PRKN: variants seen among roughly 807,000 people sequenced by gnomAD.
The protein encoded by PRKN is E3 ubiquitin-protein ligase parkin.
In PRKN, 56 loss-of-function variants were observed where a neutral mutation model predicts 59.5. The observed-to-expected ratio is 0.94, with a 90% CI of 0.76 to 1.18. The LOEUF (loss-of-function observed/expected upper bound fraction) is 1.18, where lower values mean the gene tolerates loss of function less well. Among genes scored for constraint, PRKN ranks in the 50% most tolerant of loss-of-function variants. The pLI is 0.00. For missense variants in PRKN, 657 were observed against 596.4 expected (o/e 1.10, Z -1.06); for synonymous variants, 250 against 222.1 (o/e 1.13, Z -1.12).
chr6:161,668,675 T>C (rs1343205307), intron 7 of PRKN, among the ~76,000 whole-genome samples: 26 of 152,226 alleles, frequency 1.7e-4, no homozygotes, highest in Non-Finnish European at 1.5e-5. Context: ...GTTTCTTTTA[T>C]AATAGTCTAT....
chr6:162,679,192 C>T (rs922393429), intron 1 of PRKN, among the ~76,000 whole-genome samples: 9 of 150,924 alleles, frequency 6.0e-5, no homozygotes, highest in African/African-American at 1.7e-4. Context: ...CTCCACCTCC[C>T]GGGTTCAAGT....
rs115290626 is a variant in PRKN at position 161,363,881 on chromosome 6, C to T, written c.1168-3676G>A. On this transcript the variant is annotated intron_variant, in intron 10 of 11. Coordinates refer to ENST00000366898, the MANE Select transcript of PRKN (RefSeq NM_004562.3). The surrounding 1 kb of genome is among the most constrained non-coding windows in gnomAD (Gnocchi z 4.1). ...TCATTAAAGAAACATGATTTGGGGCCGGATGTGGTGGTTCACGCCTGTAAT... is the reference window on the plus strand; with the variant it reads ...TCATTAAAGAAACATGATTTGGGGCTGGATGTGGTGGTTCACGCCTGTAAT... Among the ~76,000 whole-genome samples, 2,398 of 152,212 alleles carry T rather than the reference C, an allele frequency of 0.016. 58 individuals are homozygous for T. Among genetic ancestry groups the T allele is most frequent in the African/African-American group, 0.055 (2,292 of 41,524 alleles).
chr6:161,937,103 T>C (rs1370892765), intron 6 of PRKN, among the ~76,000 whole-genome samples: 3 of 152,058 alleles, frequency 2.0e-5, no homozygotes, highest in Non-Finnish European at 4.4e-5. Context: ...ATTTAAAAAG[T>C]GTGTAAAGGG....
chr6:162,510,110 A>G (rs1777528411), intron 1 of PRKN, among the ~76,000 whole-genome samples: 1 of 152,180 alleles, frequency 6.6e-6, no homozygotes, highest in South Asian at 2.1e-4. Context: ...ATTTTCTCCG[A>G]TGTAACATTA....
At chr6:161,838,272 T>G (rs912870985) in intron 6 of PRKN, among the ~76,000 whole-genome samples, 1 of 152,222 alleles carries the variant, frequency 6.6e-6, no homozygotes, top group African/African-American at 2.4e-5. Flanking sequence ...TAAACCTTAT[T>G]TTAGATTCTT....
Position 161,360,069 on chromosome 6 carries a change from C to G in PRKN, c.1285+19G>C. ...AAAGAGCACACGACATCCTCATTCT[C>G]TGCTCAGCACAGACTCACCATTTTT... On this transcript the variant is annotated intron_variant, in intron 11 of 11. Coordinates refer to ENST00000366898, the MANE Select transcript of PRKN (RefSeq NM_004562.3). The surrounding 1 kb of genome is among the most constrained non-coding windows in gnomAD (Gnocchi z 5.1). 1.3e-6 allele frequency: 2 copies of G among 1,531,376 alleles called. No individual in the cohort carries two copies. The highest frequency in any genetic ancestry group is 1.8e-6 in the Non-Finnish European group (2 of 1,104,278). The allele number at this position is 1,531,376 out of a possible 1,614,324, so 94.9% of individuals were successfully genotyped here.
intron 3 of PRKN, among the ~76,000 whole-genome samples, chr6:162,250,621 T>TTCA (rs1306161915): frequency 6.6e-6 from 1 of 152,198 alleles, no homozygotes; most frequent in Non-Finnish European, 1.5e-5. Flanking sequence ...TATCAACCCA[T>TTCA]TCACTTTCAT....
At chr6:162,540,394 G>T (rs1330533028) in intron 1 of PRKN, among the ~76,000 whole-genome samples, 2 of 152,024 alleles carry the variant, frequency 1.3e-5, no homozygotes, top group Non-Finnish European at 2.9e-5. Context: ...TAAATTCAAA[G>T]ATCCCATTAA....
rs1049902491 is a variant in PRKN, at chr6:161,467,789, G to A, written c.1084-80912C>T. 6.6e-6 allele frequency among the ~76,000 whole-genome samples: 1 copy of A among 152,118 alleles called. No homozygotes were observed. ...CTTGCTTGCATTAGGGCTGATCAGT[G>A]AGCTGTGAGTAGAGGGTTTCCTGGG... On this transcript the variant is annotated intron_variant, in intron 9 of 11. Coordinates refer to ENST00000366898, the MANE Select transcript of PRKN (RefSeq NM_004562.3). This position sits in a 1 kb window ranked among gnomAD's most constrained non-coding sequence, Gnocchi z 4.3.
chr6:161,681,620 T>C (rs1455348997), intron 7 of PRKN, among the ~76,000 whole-genome samples: 1 of 152,204 alleles, frequency 6.6e-6, no homozygotes, highest in Non-Finnish European at 1.5e-5. Flanking sequence ...CACACTGTGC[T>C]TTGACGCCAG....
rs1474318081 is a variant in PRKN at position 161,497,169 on chromosome 6, A to G, written c.1083+51685T>C. ...GCGGCATTGCTGGCTAGTGGCCTGCAGGAGGGGCACTTATCAGTACTTCCT... is the reference window on the plus strand; with the variant it reads ...GCGGCATTGCTGGCTAGTGGCCTGCGGGAGGGGCACTTATCAGTACTTCCT... On this transcript the variant is annotated intron_variant, in intron 9 of 11. Transcript: ENST00000366898. The surrounding 1 kb of genome is among the most constrained non-coding windows in gnomAD (Gnocchi z 4.6). 2.6e-5 allele frequency among the ~76,000 whole-genome samples: 4 copies of G among 152,198 alleles called. No homozygotes were observed. The highest frequency in any genetic ancestry group is 6.5e-5 in the Admixed American group (1 of 15,288).
chr6:162,035,984 G>A (rs375733325), intron 5 of PRKN, among the ~76,000 whole-genome samples: 1 of 152,170 alleles, frequency 6.6e-6, no homozygotes, highest in Non-Finnish European at 1.5e-5. Flanking sequence ...ATCTCCAAGT[G>A]TAGAGAAGAT....
At chr6:161,786,625 A>G (rs995653679) in intron 6 of PRKN, among the ~76,000 whole-genome samples, 3 of 152,274 alleles carry the variant, frequency 2.0e-5, no homozygotes, top group Admixed American at 6.5e-5. Context: ...TTTAATTATA[A>G]CTATGTTATA....
chr6:161,500,662 C>T (rs936530124), intron 9 of PRKN, among the ~76,000 whole-genome samples: 1 of 152,138 alleles, frequency 6.6e-6, no homozygotes, highest in Non-Finnish European at 1.5e-5. Flanking sequence ...GGAATAATAT[C>T]TCACTGTCTG....
intron 1 of PRKN, among the ~76,000 whole-genome samples, chr6:162,533,178 T>A (rs1399407952): frequency 6.6e-6 from 1 of 152,232 alleles, no homozygotes; most frequent in African/African-American, 2.4e-5. Context: ...TGAGCACTCA[T>A]GTTTTACCCA....
chr6:162,343,604 A>G (rs1029948704), intron 2 of PRKN, among the ~76,000 whole-genome samples: 1 of 152,178 alleles, frequency 6.6e-6, no homozygotes, highest in Non-Finnish European at 1.5e-5. Context: ...GTGTACTTAC[A>G]TAGGATCAAA....
chr6:161,469,058 A>C (rs529476436), intron 9 of PRKN, among the ~76,000 whole-genome samples: 1 of 152,178 alleles, frequency 6.6e-6, no homozygotes, highest in Admixed American at 6.5e-5. Context: ...CACCTCCCCC[A>C]TGTCTGTGTA....
intron 4 of PRKN, among the ~76,000 whole-genome samples, chr6:162,081,257 T>C (rs1025633387): frequency 2.6e-5 from 4 of 152,060 alleles, no homozygotes; most frequent in Non-Finnish European, 5.9e-5. Flanking sequence ...TTCCAGAAAG[T>C]TTTCAGTTTA....
At chr6:162,204,854 C>CTTTTTTT (rs797012185) in intron 3 of PRKN, among the ~76,000 whole-genome samples, 2 of 144,222 alleles carry the variant, frequency 1.4e-5, no homozygotes, top group Non-Finnish European at 3.1e-5. Flanking sequence ...TCTTCTTCTT[C>CTTTTTTT]TTTTTTTTTT....
Sources: gnomAD v4.1 joint callset for allele counts (sites outside exome capture counted in the v4.1 genomes callset) on GRCh38, gnomAD v4.1.1 for gene constraint, Gnocchi (gnomAD v3.1) non-coding constraint, MANE v1.5 for transcripts, NCBI Gene and HGNC (gene_info 2026-07-23, HGNC 2026-07-21) for gene names.